The following ZEB1 variants were observed in gnomAD, a reference collection of about 807,000 sequenced individuals.
The protein encoded by ZEB1 is zinc finger E-box binding homeobox 1.
ZEB1 carries 21 observed loss-of-function variants against 84.9 expected under a neutral mutation model. The observed-to-expected ratio is 0.25, with a 90% CI of 0.18 to 0.36. The LOEUF is 0.36. ZEB1 is among the 10% of genes least tolerant of loss of function. The pLI, the probability that ZEB1 is intolerant of heterozygous loss-of-function variation, is 1.00. For synonymous variants in ZEB1, 420 were observed against 471.1 expected (o/e 0.89, Z 1.41); for missense variants, 1,104 against 1,330.2 (o/e 0.83, Z 2.65).
At chr10:31,431,774 G>T (rs1479433689) in intron 1 of ZEB1, among the ~76,000 whole-genome samples, 1 of 152,084 alleles carries the variant, frequency 6.6e-6, no homozygotes, top group African/African-American at 2.4e-5. Context: ...CAGATGTACA[G>T]AACTCACAGG....
intron 1 of ZEB1, among the ~76,000 whole-genome samples, chr10:31,353,996 A>G (rs1050077460): frequency 2.0e-5 from 3 of 152,220 alleles, no homozygotes; most frequent in East Asian, 1.9e-4. Flanking sequence ...GATAGACACA[A>G]AGAACTTTTG....
At chr10:31,409,492 G>T (rs1435887806) in intron 1 of ZEB1, among the ~76,000 whole-genome samples, 2 of 151,806 alleles carry the variant, frequency 1.3e-5, no homozygotes, top group African/African-American at 2.4e-5. Context: ...TTGGCTATAC[G>T]GGCTCTTTTT....
intron 2 of ZEB1, among the ~76,000 whole-genome samples, chr10:31,468,754 C>A (rs2062767178): frequency 1.3e-5 from 2 of 152,144 alleles, no homozygotes; most frequent in African/African-American, 2.4e-5. Flanking sequence ...AAGAGTCACA[C>A]CCTCAAGGGG....
intron 1 of ZEB1, among the ~76,000 whole-genome samples, chr10:31,400,152 T>G (rs1171587470): frequency 6.6e-6 from 1 of 152,226 alleles, no homozygotes; most frequent in Non-Finnish European, 1.5e-5. Flanking sequence ...CTTTTTTCAT[T>G]TATTTTTTGC....
chr10:31,319,039 C>T (rs2032898722), upstream of ZEB1: 1 of 626,968 alleles, frequency 1.6e-6, no homozygotes, highest in African/African-American at 1.8e-5. Context: ...TTGCCGCAAA[C>T]CGCCCGGTCC....
chr10:31,407,416 G>C (rs888652378), intron 1 of ZEB1, among the ~76,000 whole-genome samples: 8 of 151,896 alleles, frequency 5.3e-5, no homozygotes, highest in Non-Finnish European at 8.8e-5. Context: ...CCCTACAAAG[G>C]ACATGACCTC....
intron 2 of ZEB1, among the ~76,000 whole-genome samples, chr10:31,480,417 C>T (rs189296182): frequency 6.6e-6 from 1 of 151,994 alleles, no homozygotes; most frequent in African/African-American, 2.4e-5. Context: ...TCAGTTGAAC[C>T]TACTCTTTGG....
At chr10:31,409,773 G>T (rs1238278179) in intron 1 of ZEB1, among the ~76,000 whole-genome samples, 1 of 152,112 alleles carries the variant, frequency 6.6e-6, no homozygotes, top group Non-Finnish European at 1.5e-5. Flanking sequence ...CTTTGTAGCA[G>T]TTGTAAATGG....
At position 31,521,170 on chromosome 10, in the gene ZEB1, C is replaced by T; in HGVS notation, c.1838C>T (p.Ser613Leu). ...LNAQPSAEEL[S>L]KIADSVNLPL... ...GCACAACCAAGTGCAGAAGAGCTCTCAAAAATTGCTGATTCAGTAAACCTA... is the reference window on the plus strand; with the variant it reads ...GCACAACCAAGTGCAGAAGAGCTCTTAAAAATTGCTGATTCAGTAAACCTA... Residue 613 changes from serine (S) to leucine (L), a missense_variant, in exon 7 of 9, where the codon TCA (serine) becomes TTA (leucine). Around this residue, in one of 7 missense-constraint regions of ZEB1, gnomAD observed 531 missense variants for 575.2 expected, o/e 0.92. Transcript: ENST00000424869. The T allele has an allele frequency of 6.2e-7, 1 of 1,613,990 alleles. No individual in the cohort carries two copies. The highest frequency in any genetic ancestry group is 8.5e-7 in the Non-Finnish European group (1 of 1,179,984).
chr10:31,320,849 A>G (rs1017160320), intron 1 of ZEB1, among the ~76,000 whole-genome samples: 2 of 152,086 alleles, frequency 1.3e-5, no homozygotes, highest in Non-Finnish European at 2.9e-5. Flanking sequence ...GCGGGAGCGC[A>G]GGGAGAGCAG....
At chr10:31,450,873 CGTGT>C (rs137905132) in intron 1 of ZEB1, among the ~76,000 whole-genome samples, 13 of 149,542 alleles carry the variant, frequency 8.7e-5, no homozygotes, top group South Asian at 2.1e-4. Flanking sequence ...TAGGACTGAG[CGTGT>C]GTGTGTGTGT....
At chr10:31,340,162 T>A (rs2039073493) in intron 1 of ZEB1, among the ~76,000 whole-genome samples, 1 of 152,152 alleles carries the variant, frequency 6.6e-6, no homozygotes, top group African/African-American at 2.4e-5. Context: ...ATATTAAATT[T>A]TTTCTTTTAA....
At chr10:31,458,461 C>T (rs1307759673) in intron 1 of ZEB1, among the ~76,000 whole-genome samples, 1 of 151,830 alleles carries the variant, frequency 6.6e-6, no homozygotes, top group Non-Finnish European at 1.5e-5. Context: ...TTTTAAAAAT[C>T]ATTCCCCTTA....
At chr10:31,449,329 A>T (rs1054452055) in intron 1 of ZEB1, among the ~76,000 whole-genome samples, 1 of 152,218 alleles carries the variant, frequency 6.6e-6, no homozygotes, top group Non-Finnish European at 1.5e-5. Context: ...CCCTAGTGAG[A>T]TGAACCTGGT....
intron 6 of ZEB1, among the ~76,000 whole-genome samples, chr10:31,515,512 C>T (rs1370473212): frequency 6.6e-6 from 1 of 152,008 alleles, no homozygotes; most frequent in Non-Finnish European, 1.5e-5. Flanking sequence ...GGTTTTCACA[C>T]ATTGCTTATT....
chr10:31,411,353 C>T (rs1002987437), intron 1 of ZEB1, among the ~76,000 whole-genome samples: 3 of 152,178 alleles, frequency 2.0e-5, no homozygotes, highest in East Asian at 1.9e-4. Flanking sequence ...CTCTGGGACA[C>T]AGTTAAAGCA....
chr10:31,446,976 T>C (rs188806937), intron 1 of ZEB1, among the ~76,000 whole-genome samples: 28 of 151,736 alleles, frequency 1.8e-4, no homozygotes, highest in Admixed American at 5.2e-4. Flanking sequence ...CCTTGTTGAC[T>C]TTCTGTCTCG....
At chr10:31,425,797 G>A (rs931729553) in intron 1 of ZEB1, among the ~76,000 whole-genome samples, 1 of 152,006 alleles carries the variant, frequency 6.6e-6, no homozygotes, top group Non-Finnish European at 1.5e-5. Flanking sequence ...CTATATTTTG[G>A]TGGAACTTAA....
chr10:31,422,463 T>G lies in ZEB1; in HGVS notation c.59-38574T>G, dbSNP rs547915987. On this transcript the variant is annotated intron_variant, in intron 1 of 8. Coordinates refer to ENST00000424869, the MANE Select transcript of ZEB1 (RefSeq NM_001174096.2). ...TATTCATTCTTAAAAGAGAACTAAG[T>G]TAGAGACAGTATCTTCAGATTATTG... Among the ~76,000 whole-genome samples, 72 of 152,150 alleles carry G rather than the reference T, an allele frequency of 4.7e-4. 1 individual carries two copies. The highest frequency in any genetic ancestry group is 1.7e-3 in the African/African-American group (71 of 41,528).
Sources: gnomAD v4.1 joint callset for allele counts (sites outside exome capture counted in the v4.1 genomes callset) on GRCh38, gnomAD v4.1.1 for gene constraint, gnomAD v4.1.1 regional missense constraint, MANE v1.5 for transcripts, NCBI Gene and HGNC (gene_info 2026-07-23, HGNC 2026-07-21) for gene names.